Variants in RERE observed in about 807,000 individuals in gnomAD.
RERE encodes the protein arginine-glutamic acid dipeptide repeats.
Under a neutral mutation model 146.1 loss-of-function variants are expected in RERE, and 40 were observed. The observed-to-expected ratio is 0.27, with a 90% CI of 0.21 to 0.36. The LOEUF (loss-of-function observed/expected upper bound fraction) is 0.36, where lower values mean the gene tolerates loss of function less well. Ranked by LOEUF, RERE falls within the 10% of genes least tolerant of loss-of-function variation. The pLI is 1.00. For missense variants in RERE, 1,933 were observed against 2,138.7 expected (o/e 0.90, Z 1.90); for synonymous variants, 1,003 against 866.0 (o/e 1.16, Z -2.78).
At chr1:8,684,277 G>T (rs1190853172) in intron 1 of RERE, among the ~76,000 whole-genome samples, 1 of 152,020 alleles carries the variant, frequency 6.6e-6, no homozygotes, top group Non-Finnish European at 1.5e-5. Context: ...CATTTTCAAT[G>T]AATCAATGTA....
intron 10 of RERE, among the ~76,000 whole-genome samples, chr1:8,470,194 G>A (rs568335921): frequency 4.9e-4 from 74 of 152,104 alleles, no homozygotes; most frequent in Non-Finnish European, 8.7e-4. Context: ...GTCCCTACCC[G>A]TCCTCACCCC....
intron 1 of RERE, among the ~76,000 whole-genome samples, chr1:8,711,605 A>G (rs1639670111): frequency 6.6e-6 from 1 of 152,228 alleles, no homozygotes; most frequent in African/African-American, 2.4e-5. Flanking sequence ...GGTTTTACAG[A>G]TTTAAAAACA....
intron 12 of RERE, among the ~76,000 whole-genome samples, chr1:8,392,290 T>C (rs1042099861): frequency 2.3e-4 from 35 of 151,830 alleles, no homozygotes; most frequent in African/African-American, 8.0e-4. Flanking sequence ...TTGTAAGAAA[T>C]AGAAATAAAC....
chr1:8,541,121 G>T, intron 7 of RERE, 93 bp downstream of exon 7: 1 of 628,716 alleles, frequency 1.6e-6, no homozygotes. Context: ...TGTATGTCCA[G>T]AAGCATAAAC....
chr1:8,687,690 C>G (rs148977084), intron 1 of RERE, among the ~76,000 whole-genome samples: 258 of 152,288 alleles, frequency 1.7e-3, no homozygotes, highest in African/African-American at 6.0e-3. Context: ...CATTTTCACA[C>G]CATATTCATA....
At chr1:8,634,838 C>A (rs1043285565) in intron 2 of RERE, among the ~76,000 whole-genome samples, 1 of 152,132 alleles carries the variant, frequency 6.6e-6, no homozygotes, top group Non-Finnish European at 1.5e-5. Flanking sequence ...CAGGTTCAAG[C>A]CATTCTCCTA....
intron 4 of RERE, among the ~76,000 whole-genome samples, chr1:8,604,426 G>C (rs995954959): frequency 1.3e-5 from 2 of 152,142 alleles, no homozygotes; most frequent in African/African-American, 4.8e-5. Context: ...GGTGGGATAG[G>C]AAATGGAAAA....
At chr1:8,742,877 A>G (rs1557515876) in intron 1 of RERE, among the ~76,000 whole-genome samples, 1 of 151,876 alleles carries the variant, frequency 6.6e-6, no homozygotes, top group Non-Finnish European at 1.5e-5. Context: ...CAAAAAAAAA[A>G]AAAAAAAAAG....
intron 12 of RERE, among the ~76,000 whole-genome samples, chr1:8,370,927 C>T (rs1354346883): frequency 3.3e-5 from 5 of 152,228 alleles, no homozygotes; most frequent in African/African-American, 9.6e-5. Context: ...ATTTTGCCTG[C>T]AAGCAAACAC....
intron 4 of RERE, among the ~76,000 whole-genome samples, chr1:8,584,670 G>A (rs1646405631): frequency 6.6e-6 from 1 of 151,904 alleles, no homozygotes; most frequent in Admixed American, 6.6e-5. Context: ...ACTAAATGAG[G>A]GTTAAAAAGA....
In RERE at chr1:8,361,513, T is replaced by C. The variant is rs752681334; in HGVS notation, c.2017-23A>G. The C allele has an allele frequency of 3.1e-6, 5 of 1,606,676 alleles. No homozygotes were observed. In the South Asian group the frequency reaches 5.5e-5, roughly 18 times the overall value. ...CTCCTGGAGTCAGAGAAGGGAAGGA[T>C]GGAAGTCCCAGGAGGGCAGAGCCCT... is the stretch of plus-strand genomic sequence containing the variant. On this transcript the variant is annotated intron_variant, in intron 17 of 22. Transcript: ENST00000400908.
chr1:8,400,406 C>T (rs1158062362), intron 12 of RERE, among the ~76,000 whole-genome samples: 1 of 152,076 alleles, frequency 6.6e-6, no homozygotes, highest in Non-Finnish European at 1.5e-5. Flanking sequence ...CGCATGCCAC[C>T]ATGGCCGGCT....
At chr1:8,740,395 G>GT (rs1428401507) in intron 1 of RERE, among the ~76,000 whole-genome samples, 6 of 152,224 alleles carry the variant, frequency 3.9e-5, no homozygotes, top group South Asian at 4.1e-4. Context: ...GTGAGTAAAT[G>GT]TGAAGGCCTA....
chr1:8,361,170 G>C lies in RERE; in HGVS notation c.2337C>G (p.Pro779=), dbSNP rs757450289. 9 of 1,457,612 alleles carry C rather than the reference G, an allele frequency of 6.2e-6. No individual in the cohort carries two copies. The highest frequency in any genetic ancestry group is 7.2e-6 in the Non-Finnish European group (8 of 1,110,898). The allele number at this position is 1,457,612 out of a possible 1,614,324, so 90.3% of individuals were successfully genotyped here. The part of the protein sequence containing the change: ...SATAVPPQGS[P]TASQAPNQPQ... ...GCTGGTTAGGGGCCTGGGAGGCCGT[G>C]GGGGAGCCCTGTGGGGGAACTGCAG... Residue 779 remains proline (P), a synonymous_variant, in exon 18 of 23, where the codon CCC becomes CCG. Coordinates refer to ENST00000400908, the MANE Select transcript of RERE (RefSeq NM_001042681.2).
intron 7 of RERE, among the ~76,000 whole-genome samples, chr1:8,533,213 CAAGG>C (rs1645680530): frequency 2.6e-5 from 4 of 152,182 alleles, no homozygotes; most frequent in African/African-American, 9.7e-5. Flanking sequence ...CAGTGGCAGA[CAAGG>C]TAGTAAAGGG....
At chr1:8,393,093 T>C (rs2124428619) in intron 12 of RERE, among the ~76,000 whole-genome samples, 1 of 152,328 alleles carries the variant, frequency 6.6e-6, no homozygotes, top group East Asian at 1.9e-4. Context: ...GTGCTCAGAT[T>C]GGACTTCTGC....
At chr1:8,458,923 TATTTC>T (rs1399674640) in intron 11 of RERE, among the ~76,000 whole-genome samples, 2 of 152,262 alleles carry the variant, frequency 1.3e-5, no homozygotes, top group Non-Finnish European at 2.9e-5. Context: ...ATGCTTGTCC[TATTTC>T]ATTTACTAAA....
At chr1:8,476,461 G>A (rs529399760) in intron 10 of RERE, among the ~76,000 whole-genome samples, 3 of 152,282 alleles carry the variant, frequency 2.0e-5, no homozygotes, top group Admixed American at 1.3e-4. Context: ...GCTAGGGGAT[G>A]AGGGTGGGTG....
chr1:8,570,679 A>G (rs1369294019), intron 4 of RERE, among the ~76,000 whole-genome samples: 1 of 152,232 alleles, frequency 6.6e-6, no homozygotes, highest in Non-Finnish European at 1.5e-5. Context: ...TTATGAAAAC[A>G]GTTCAACCCT....
Sources: allele counts gnomAD v4.1 joint callset (sites outside exome capture counted in the v4.1 genomes callset), GRCh38; gene constraint gnomAD v4.1.1; transcripts MANE v1.5; gene names NCBI Gene and HGNC (gene_info 2026-07-23, HGNC 2026-07-21).